The following TRMT2B variants were observed in gnomAD, a reference collection of about 807,000 sequenced individuals.
The protein encoded by TRMT2B is tRNA methyltransferase 2B.
A neutral mutation model predicts 39.7 loss-of-function variants in TRMT2B; 34 were observed. The ratio of observed to expected loss-of-function variants is 0.86; its 90% CI spans 0.65 to 1.14. The LOEUF (loss-of-function observed/expected upper bound fraction) is 1.14, where lower values mean the gene tolerates loss of function less well. TRMT2B is among the 50% of genes most tolerant of loss of function. The pLI, the probability that TRMT2B is intolerant of heterozygous loss-of-function variation, is 0.00. For synonymous variants in TRMT2B, 132 were observed against 137.3 expected (o/e 0.96, Z 0.27); for missense variants, 318 against 377.2 (o/e 0.84, Z 1.30).
rs770183485 is a variant in TRMT2B at position 101,042,066 on chromosome X, G to T, written c.224C>A (p.Pro75Gln). The change falls in exon 3 of 14, where the codon CCA becomes CAA. Residue 75 changes from proline to glutamine, a missense_variant. Physicochemically the swap from Pro to Gln is moderately conservative, Grantham distance 76 (BLOSUM62 -1). Coordinates refer to ENST00000372936, the MANE Select transcript of TRMT2B (RefSeq NM_024917.6). ...KSQKKPSHLG[P>Q]LDGSWQERLA... is the part of the protein sequence containing the mutation. ...CCTTTCCTGCCAGGAACCATCTAGTGGTCCAAGATGGCTTGGTTTCTTCTG... is the reference window on the plus strand; with the variant it reads ...CCTTTCCTGCCAGGAACCATCTAGTTGTCCAAGATGGCTTGGTTTCTTCTG... The T allele has an allele frequency of 3.3e-6, 4 of 1,210,319 alleles. No homozygotes were observed. In the African/African-American group the frequency reaches 7.0e-5, roughly 21 times the overall value.
the TRMT2B span, chrX:100,987,593 A>G: frequency 8.4e-7 from 1 of 1,192,371 alleles, no homozygotes. Flanking sequence ...CTGATAAGAA[A>G]AGCTGCAGGG....
At chrX:100,996,712 T>C in the TRMT2B span, among the ~76,000 whole-genome samples, 2 of 110,966 alleles carry the variant, frequency 1.8e-5, no homozygotes, top group Non-Finnish European at 3.8e-5. Context: ...AAAATTTACA[T>C]TTCCAGCCTG....
chrX:101,034,923 T>C (rs1569483560), intron 7 of TRMT2B, among the ~76,000 whole-genome samples: 2 of 111,830 alleles, frequency 1.8e-5, no homozygotes, highest in African/African-American at 6.5e-5. Context: ...TCCCAGCTAC[T>C]TGGGAGGCTG....
chrX:101,022,265 G>T (rs1411769710), intron 8 of TRMT2B, among the ~76,000 whole-genome samples: 1 of 111,420 alleles, frequency 9.0e-6, no homozygotes, highest in East Asian at 2.8e-4. Context: ...GAGGTAGGAG[G>T]ACTGCTTGAG....
chrX:101,044,015 G>A (rs1282725084), intron 2 of TRMT2B, among the ~76,000 whole-genome samples: 2 of 111,487 alleles, frequency 1.8e-5, no homozygotes, highest in African/African-American at 6.5e-5. Flanking sequence ...AGGCCAGAGC[G>A]GGCAGATCAC....
chrX:100,984,292 T>G, the TRMT2B span, among the ~76,000 whole-genome samples: 10 of 103,860 alleles, frequency 9.6e-5, no homozygotes, highest in Non-Finnish European at 1.8e-4. Flanking sequence ...TTGTTTTTTG[T>G]TTTTTTTTTT....
At chrX:100,997,835 GTATA>G in the TRMT2B span, among the ~76,000 whole-genome samples, 1 of 111,982 alleles carries the variant, frequency 8.9e-6, no homozygotes, top group African/African-American at 3.2e-5. Context: ...TCTTCAAACC[GTATA>G]TAAATTTTTA....
chrX:100,977,369 C>CTTTTTTTTTTT, the TRMT2B span, among the ~76,000 whole-genome samples: 9 of 56,455 alleles, frequency 1.6e-4, 1 homozygote, highest in African/African-American at 6.4e-4. Context: ...CTACTCTCTT[C>CTTTTTTTTTTT]TTTTTTTTTT....
intron 4 of TRMT2B, among the ~76,000 whole-genome samples, chrX:101,038,394 A>AAAAAAT (rs2087989361): frequency 9.3e-6 from 1 of 107,593 alleles, no homozygotes; most frequent in African/African-American, 3.4e-5. Flanking sequence ...AAAAAAAAAA[A>AAAAAAT]GAAATGAAAT....
chrX:101,026,178 A>C (rs1020500672), intron 7 of TRMT2B, among the ~76,000 whole-genome samples: 2 of 111,398 alleles, frequency 1.8e-5, no homozygotes, highest in African/African-American at 6.5e-5. Flanking sequence ...AGCAAGATTC[A>C]AATATCATAT....
At chrX:101,024,811 A>G (rs994242892) in intron 7 of TRMT2B, among the ~76,000 whole-genome samples, 1 of 108,521 alleles carries the variant, frequency 9.2e-6, no homozygotes, top group African/African-American at 3.4e-5. Flanking sequence ...ACAGAGTGAG[A>G]CTCTATCTCA....
chrX:101,030,652 T>A (rs1230787069), intron 7 of TRMT2B, among the ~76,000 whole-genome samples: 1 of 108,826 alleles, frequency 9.2e-6, no homozygotes, highest in Non-Finnish European at 1.9e-5. Context: ...TTCACCATGT[T>A]GGTCAGGCTA....
chrX:100,987,320 G>A, the TRMT2B span: 4 of 1,075,507 alleles, frequency 3.7e-6, no homozygotes, highest in Non-Finnish European at 5.0e-6. Flanking sequence ...TTGAATGAGA[G>A]TGACTGGTTC....
At chrX:101,032,520 G>T (rs1272564064) in intron 7 of TRMT2B, among the ~76,000 whole-genome samples, 1 of 108,716 alleles carries the variant, frequency 9.2e-6, no homozygotes, top group Non-Finnish European at 1.9e-5. Flanking sequence ...CCGGGAGGCA[G>T]AGGTAGCAGT....
At chrX:100,981,636 C>CA in the TRMT2B span, among the ~76,000 whole-genome samples, 93 of 75,441 alleles carry the variant, frequency 1.2e-3, no homozygotes, top group East Asian at 0.011. Flanking sequence ...AAACTCTCTA[C>CA]AAAAAAAAAA....
intron 6 of TRMT2B, among the ~76,000 whole-genome samples, chrX:101,036,280 T>C (rs763117949): frequency 8.5e-4 from 93 of 109,356 alleles, no homozygotes; most frequent in African/African-American, 2.9e-3. Flanking sequence ...ACCCCGTCTC[T>C]ACCAAAAATA....
At chrX:101,027,295 G>T (rs113222775) in intron 7 of TRMT2B, among the ~76,000 whole-genome samples, 125 of 107,311 alleles carry the variant, frequency 1.2e-3, no homozygotes, top group African/African-American at 4.1e-3. Context: ...GCAGTGGCGC[G>T]ATCTCGGTTC....
chrX:100,974,036 T>C, the TRMT2B span: 13 of 742,262 alleles, frequency 1.8e-5, no homozygotes, highest in Non-Finnish European at 2.6e-5. Context: ...GCAGGCAGAG[T>C]CCCAAACAAT....
At chrX:100,980,061 T>C in the TRMT2B span, among the ~76,000 whole-genome samples, 13 of 110,871 alleles carry the variant, frequency 1.2e-4, no homozygotes, top group Admixed American at 1.2e-3. Context: ...GCCAACACAG[T>C]ACTGAGTCTC....
Sources: allele counts gnomAD v4.1 joint callset (sites outside exome capture counted in the v4.1 genomes callset), GRCh38; gene constraint gnomAD v4.1.1; transcripts MANE v1.5; gene names NCBI Gene and HGNC (gene_info 2026-07-23, HGNC 2026-07-21).